HHAT: variants seen among roughly 807,000 people sequenced by gnomAD.
HHAT encodes protein-cysteine N-palmitoyltransferase HHAT.
A neutral mutation model predicts 70.8 loss-of-function variants in HHAT; 47 were observed. That is an observed-to-expected ratio of 0.66 (90% confidence interval 0.53 to 0.85). HHAT has a LOEUF of 0.85. Ranked by LOEUF, HHAT falls within the 40% of genes least tolerant of loss-of-function variation. The pLI is 0.00. For missense variants in HHAT, 609 were observed against 604.8 expected (o/e 1.01, Z -0.07); for synonymous variants, 228 against 247.6 (o/e 0.92, Z 0.74).
At chr1:210,454,987 T>A (rs1382375214) in intron 7 of HHAT, among the ~76,000 whole-genome samples, 1 of 152,220 alleles carries the variant, frequency 6.6e-6, no homozygotes, top group Non-Finnish European at 1.5e-5. Flanking sequence ...TAGTTCATGG[T>A]TGCCCAGTGT....
At chr1:210,610,680 T>C (rs1573711595) in intron 10 of HHAT, among the ~76,000 whole-genome samples, 1 of 135,754 alleles carries the variant, frequency 7.4e-6, no homozygotes, top group African/African-American at 2.4e-5. Context: ...CCATCTTGAA[T>C]TAATTTTTTA....
intron 7 of HHAT, among the ~76,000 whole-genome samples, chr1:210,424,674 A>G (rs1434141473): frequency 2.6e-5 from 4 of 152,072 alleles, no homozygotes; most frequent in African/African-American, 7.2e-5. Context: ...TGCAAAGGAC[A>G]TGATATTGTT....
chr1:210,491,202 A>G (rs2094547585), intron 8 of HHAT, among the ~76,000 whole-genome samples: 1 of 135,400 alleles, frequency 7.4e-6, no homozygotes, highest in Non-Finnish European at 1.7e-5. Flanking sequence ...AAGCCTCTCA[A>G]GCTGAGCTTT....
intron 7 of HHAT, among the ~76,000 whole-genome samples, chr1:210,419,537 T>C (rs1222039194): frequency 6.6e-6 from 1 of 152,206 alleles, no homozygotes; most frequent in African/African-American, 2.4e-5. Context: ...CCAATAACTG[T>C]GTGATCCTCC....
intron 4 of HHAT, among the ~76,000 whole-genome samples, chr1:210,392,066 G>A (rs562675005): frequency 3.1e-4 from 47 of 152,118 alleles, no homozygotes; most frequent in Non-Finnish European, 5.6e-4. Flanking sequence ...ACGAGATCTT[G>A]CTGTATTGCC....
chr1:210,567,295 G>A (rs887413621), intron 9 of HHAT, among the ~76,000 whole-genome samples: 21 of 152,164 alleles, frequency 1.4e-4, no homozygotes, highest in Non-Finnish European at 1.5e-5. Context: ...TTTCACCAGT[G>A]GATGAAAAGT....
At chr1:210,332,082 C>A (rs552506651) in intron 1 of HHAT, among the ~76,000 whole-genome samples, 59 of 152,330 alleles carry the variant, frequency 3.9e-4, no homozygotes, top group African/African-American at 1.3e-3. Flanking sequence ...TCACATCCTG[C>A]AAAATGTTCT....
chr1:210,391,189 TA>T (rs1354493780), intron 4 of HHAT, among the ~76,000 whole-genome samples: 1 of 152,192 alleles, frequency 6.6e-6, no homozygotes, highest in African/African-American at 2.4e-5. Context: ...AATTATGGAT[TA>T]ATAATTATGG....
chr1:210,534,388 C>T (rs1041927226), intron 9 of HHAT, among the ~76,000 whole-genome samples: 2 of 141,500 alleles, frequency 1.4e-5, no homozygotes, highest in East Asian at 1.9e-4. Context: ...TATTTTTTTC[C>T]ATAGGGTTTT....
chr1:210,404,205 T>A (rs1209374591), intron 5 of HHAT, among the ~76,000 whole-genome samples: 2 of 152,232 alleles, frequency 1.3e-5, no homozygotes, highest in African/African-American at 4.8e-5. Context: ...TCAGACCTAA[T>A]GCTAGGTTAA....
intron 3 of HHAT, among the ~76,000 whole-genome samples, chr1:210,386,866 T>G (rs1282092670): frequency 1.3e-5 from 2 of 152,172 alleles, no homozygotes; most frequent in African/African-American, 2.4e-5. Flanking sequence ...ACAGAGCTTC[T>G]TGGGGGGAAG....
intron 10 of HHAT, among the ~76,000 whole-genome samples, chr1:210,616,091 G>A (rs940753953): frequency 1.2e-4 from 18 of 152,314 alleles, no homozygotes; most frequent in African/African-American, 4.1e-4. Flanking sequence ...GACACACAAA[G>A]ATGTATTGGG....
intron 11 of HHAT, among the ~76,000 whole-genome samples, chr1:210,664,937 C>A (rs1455364913): frequency 6.6e-6 from 1 of 152,220 alleles, no homozygotes; most frequent in Non-Finnish European, 1.5e-5. Context: ...GAGAGGCCCC[C>A]AAATTCATCA....
At chr1:210,384,355 A>T (rs993111848) in intron 3 of HHAT, among the ~76,000 whole-genome samples, 11 of 152,036 alleles carry the variant, frequency 7.2e-5, no homozygotes, top group African/African-American at 2.7e-4. Flanking sequence ...CCTGCCTGGG[A>T]ATGGTACGGG....
rs140667243 is a variant in HHAT at position 210,646,066 on chromosome 1, G to C, written c.1390+22396G>C. Among the ~76,000 whole-genome samples, 251 of 152,304 alleles carry C rather than the reference G, an allele frequency of 1.6e-3. 2 individuals are homozygous for C. The highest frequency in any genetic ancestry group is 2.7e-3 in the Non-Finnish European group (181 of 68,024). ...ATGGGAAACTCACCCCCGTGCTTCA[G>C]CAAGTTTTGAGTCCTCCAAAATCTG... On this transcript the variant is annotated intron_variant, in intron 11 of 11. Coordinates refer to ENST00000261458, the MANE Select transcript of HHAT (RefSeq NM_018194.6).
intron 2 of HHAT, among the ~76,000 whole-genome samples, chr1:210,353,764 A>T (rs961540503): frequency 2.6e-5 from 4 of 151,888 alleles, no homozygotes; most frequent in African/African-American, 7.3e-5. Flanking sequence ...GATCTTATTA[A>T]TCTTTTCAGC....
chr1:210,457,397 A>C (rs1350013022), intron 7 of HHAT, among the ~76,000 whole-genome samples: 1 of 152,206 alleles, frequency 6.6e-6, no homozygotes, highest in African/African-American at 2.4e-5. Context: ...AAGTTAAGCA[A>C]AATCTAGAGT....
At chr1:210,473,867 C>G (rs1247357078) in intron 8 of HHAT, among the ~76,000 whole-genome samples, 1 of 152,200 alleles carries the variant, frequency 6.6e-6, no homozygotes, top group Non-Finnish European at 1.5e-5. Flanking sequence ...TACCTTATTT[C>G]TAATTCAGAC....
chr1:210,358,736 C>G (rs531195813), intron 2 of HHAT, among the ~76,000 whole-genome samples: 1 of 152,168 alleles, frequency 6.6e-6, no homozygotes, highest in South Asian at 2.1e-4. Flanking sequence ...GGGTGTGCTG[C>G]TCCCTGGCAG....
Sources: allele counts gnomAD v4.1 joint callset (sites outside exome capture counted in the v4.1 genomes callset), GRCh38; gene constraint gnomAD v4.1.1; transcripts MANE v1.5; gene names NCBI Gene and HGNC (gene_info 2026-07-23, HGNC 2026-07-21).